NDST4: variants seen among roughly 807,000 people sequenced by gnomAD.
NDST4 encodes N-heparan sulfate sulfotransferase 4.
In NDST4, 63 loss-of-function variants were observed where a neutral mutation model predicts 100.8. The ratio of observed to expected loss-of-function variants is 0.62; its 90% CI spans 0.51 to 0.77. The LOEUF (loss-of-function observed/expected upper bound fraction) is 0.77, where lower values mean the gene tolerates loss of function less well. NDST4 is among the 30% of genes least tolerant of loss of function. The pLI, the probability that NDST4 is intolerant of heterozygous loss-of-function variation, is 0.00. For missense variants in NDST4, 943 were observed against 1,018.4 expected, an observed-to-expected ratio of 0.93 and a Z score of 1.01; for synonymous variants, 377 against 361.8, an observed-to-expected ratio of 1.04 and a Z score of -0.48.
chr4:114,885,744 A>G (rs1164460625), intron 6 of NDST4, among the ~76,000 whole-genome samples: 1 of 152,072 alleles, frequency 6.6e-6, no homozygotes, highest in East Asian at 1.9e-4. Flanking sequence ...GATTTCTGAT[A>G]CTGCTTACTG....
intron 1 of NDST4, among the ~76,000 whole-genome samples, chr4:115,086,035 G>C (rs543145237): frequency 6.6e-6 from 1 of 152,234 alleles, no homozygotes; most frequent in East Asian, 1.9e-4. Context: ...TGTTTGAGGA[G>C]CACTACTCAG....
At chr4:115,090,386 G>A (rs1232844824) in intron 1 of NDST4, among the ~76,000 whole-genome samples, 2 of 151,682 alleles carry the variant, frequency 1.3e-5, no homozygotes, top group Non-Finnish European at 2.9e-5. Flanking sequence ...TATAAGGAAT[G>A]AATATTTCCT....
At chr4:115,055,814 G>A (rs1273585871) in intron 2 of NDST4, among the ~76,000 whole-genome samples, 2 of 152,128 alleles carry the variant, frequency 1.3e-5, no homozygotes, top group Non-Finnish European at 2.9e-5. Context: ...GCCAGAAAGA[G>A]TAAGTATAAG....
At chr4:114,858,565 A>T (rs541749076) in intron 7 of NDST4, among the ~76,000 whole-genome samples, 8 of 152,338 alleles carry the variant, frequency 5.3e-5, no homozygotes, top group Non-Finnish European at 1.0e-4. Flanking sequence ...TGTACGCATT[A>T]AATCATAAAC....
intron 2 of NDST4, among the ~76,000 whole-genome samples, chr4:115,015,148 G>A (rs576217621): frequency 4.9e-4 from 74 of 152,150 alleles, no homozygotes; most frequent in Middle Eastern, 3.4e-3. Context: ...GCCCACTGGC[G>A]TCACACCAAT....
At chr4:114,984,341 G>T (rs943425942) in intron 2 of NDST4, among the ~76,000 whole-genome samples, 1 of 151,812 alleles carries the variant, frequency 6.6e-6, no homozygotes, top group African/African-American at 2.4e-5. Context: ...ACCATGCCAG[G>T]ATAATTTTTG....
chr4:115,012,168 T>C (rs950759200), intron 2 of NDST4, among the ~76,000 whole-genome samples: 2 of 152,000 alleles, frequency 1.3e-5, no homozygotes, highest in African/African-American at 2.4e-5. Context: ...CAAGAATCAA[T>C]GATCCCATCA....
intron 6 of NDST4, among the ~76,000 whole-genome samples, chr4:114,904,806 CTAAT>C (rs1199746355): frequency 6.6e-6 from 1 of 151,890 alleles, no homozygotes; most frequent in Non-Finnish European, 1.5e-5. Flanking sequence ...ATTCTCTTCT[CTAAT>C]TACTGTAGGC....
intron 2 of NDST4, among the ~76,000 whole-genome samples, chr4:115,036,793 T>G (rs1728241592): frequency 6.6e-6 from 1 of 151,940 alleles, no homozygotes; most frequent in South Asian, 2.1e-4. Flanking sequence ...ATGAAATCAT[T>G]ATTCAATACT....
chr4:115,100,930 T>C (rs1439636693), intron 1 of NDST4, among the ~76,000 whole-genome samples: 1 of 151,938 alleles, frequency 6.6e-6, no homozygotes, highest in Non-Finnish European at 1.5e-5. Context: ...GCGTGGATGG[T>C]TATGTTGTTT....
chr4:114,981,493 G>A (rs975100903), intron 2 of NDST4, among the ~76,000 whole-genome samples: 10 of 152,002 alleles, frequency 6.6e-5, no homozygotes, highest in Middle Eastern at 3.4e-3. Context: ...AATAAACGTC[G>A]AGCAATTATT....
intron 2 of NDST4, among the ~76,000 whole-genome samples, chr4:114,994,782 A>T (rs1372260582): frequency 6.6e-6 from 1 of 152,062 alleles, no homozygotes; most frequent in African/African-American, 2.4e-5. Context: ...TCTTGGGTTT[A>T]AAAAACATTA....
chr4:115,044,160 T>C (rs1277523523), intron 2 of NDST4, among the ~76,000 whole-genome samples: 1 of 152,152 alleles, frequency 6.6e-6, no homozygotes, highest in African/African-American at 2.4e-5. Flanking sequence ...AAGAATCAAA[T>C]AGTATCTAGG....
intron 11 of NDST4, among the ~76,000 whole-genome samples, chr4:114,837,960 C>T (rs1221616299): frequency 6.6e-6 from 1 of 152,056 alleles, no homozygotes; most frequent in Non-Finnish European, 1.5e-5. Flanking sequence ...CTACAAGGAA[C>T]TTAAACAAAT....
rs566452055 is a variant in NDST4 at position 115,059,911 on chromosome 4, A to G, written c.978+16148T>C. On this transcript the variant is annotated intron_variant, in intron 2 of 13. Transcript: ENST00000264363. ...GGTTAGCTTTCTCTAAAGCTTCAGT[A>G]TAGGAACTAATTGGCATCTCCTACC... 1.1e-4 allele frequency among the ~76,000 whole-genome samples: 17 copies of G among 151,732 alleles called. No homozygotes were observed. The South Asian group carries it at 2.9e-3, about 26-fold the overall frequency.
chr4:114,941,002 G>A (rs1388276589), intron 4 of NDST4, among the ~76,000 whole-genome samples: 1 of 152,136 alleles, frequency 6.6e-6, no homozygotes, highest in East Asian at 1.9e-4. Flanking sequence ...CATTCAAGTG[G>A]GAAAACAAGA....
rs558253973 is a variant in NDST4, at chr4:114,944,205, T to C, written c.1222-6702A>G. 4.6e-5 allele frequency among the ~76,000 whole-genome samples: 7 copies of C among 152,298 alleles called. No homozygotes were observed. In the South Asian group the frequency reaches 1.4e-3, roughly 32 times the overall value. ...GGTTCTCTTGCTTTCTTGCTTCCAG[T>C]TGAGTCTGGCAAATGGAGAATCCTG... On this transcript the variant is annotated intron_variant, in intron 4 of 13. Transcript: ENST00000264363.
At chr4:114,983,453 G>T (rs1247085779) in intron 2 of NDST4, among the ~76,000 whole-genome samples, 1 of 152,166 alleles carries the variant, frequency 6.6e-6, no homozygotes, top group African/African-American at 2.4e-5. Flanking sequence ...TAGATTTAAT[G>T]ACTGCCCTGC....
intron 9 of NDST4, 82 bp from the exon 10 acceptor site, chr4:114,846,079 T>A: frequency 9.8e-7 from 1 of 1,015,660 alleles, no homozygotes; most frequent in Non-Finnish European, 1.4e-6. Context: ...TGGAACATTT[T>A]AATATTCATT....
Sources: allele counts gnomAD v4.1 joint callset (sites outside exome capture counted in the v4.1 genomes callset), GRCh38; gene constraint gnomAD v4.1.1; transcripts MANE v1.5; gene names NCBI Gene and HGNC (gene_info 2026-07-23, HGNC 2026-07-21).